LRRC4C: variants seen among roughly 807,000 people sequenced by gnomAD.
LRRC4C encodes leucine-rich repeat-containing protein 4C.
In LRRC4C, 5 loss-of-function variants were observed where a neutral mutation model predicts 33.6. That is an observed-to-expected ratio of 0.15 (90% CI 0.08 to 0.31). The LOEUF (loss-of-function observed/expected upper bound fraction) is 0.31. LRRC4C is among the 10% of genes least tolerant of loss of function. The pLI is 1.00. For synonymous variants in LRRC4C, 329 were observed against 302.0 expected, an observed-to-expected ratio of 1.09 and a Z score of -0.93; for missense variants, 560 against 796.7, an observed-to-expected ratio of 0.70 and a Z score of 3.58.
At chr11:41,115,922 T>C (rs1216009596) in intron 1 of LRRC4C, among the ~76,000 whole-genome samples, 1 of 152,128 alleles carries the variant, frequency 6.6e-6, no homozygotes, top group Non-Finnish European at 1.5e-5. Context: ...AAGTTTGGTC[T>C]GACCCCTTTT....
intron 3 of LRRC4C, among the ~76,000 whole-genome samples, chr11:40,633,337 C>CTTTG (rs1176903888): frequency 7.7e-5 from 2 of 26,056 alleles, no homozygotes; most frequent in Non-Finnish European, 1.5e-4. Context: ...TTCTTTCTTT[C>CTTTG]TTTCTTTCTT....
At chr11:40,126,257 T>A (rs1856215455) in intron 6 of LRRC4C, among the ~76,000 whole-genome samples, 1 of 152,036 alleles carries the variant, frequency 6.6e-6, no homozygotes, top group South Asian at 2.1e-4. Context: ...ATTCTTAGGG[T>A]TTATGTTTCT....
At position 41,228,530 on chromosome 11, in the gene LRRC4C, C is replaced by T. The variant is rs963542791; in HGVS notation, c.-496+230901G>A. 9.9e-5 allele frequency among the ~76,000 whole-genome samples: 15 copies of T among 152,182 alleles called. No homozygotes were observed. In the East Asian group the frequency reaches 2.9e-3, roughly 29 times the overall value. Reference sequence around the variant, plus strand: ...GCAATAGATATCTCATCCTTAATTGCTTTCAATATGTTTTCTGTTTGTGTG... The same window carrying T: ...GCAATAGATATCTCATCCTTAATTGTTTTCAATATGTTTTCTGTTTGTGTG... On this transcript the variant is annotated intron_variant, in intron 1 of 6. Coordinates refer to ENST00000528697, the MANE Select transcript of LRRC4C (RefSeq NM_001258419.2).
At chr11:40,989,131 T>A (rs1167311654) in intron 1 of LRRC4C, among the ~76,000 whole-genome samples, 1 of 152,224 alleles carries the variant, frequency 6.6e-6, no homozygotes, top group Non-Finnish European at 1.5e-5. Flanking sequence ...TGATCATTTG[T>A]TTAAAGCCAG....
chr11:40,825,943 G>GT (rs1952145951), intron 2 of LRRC4C, among the ~76,000 whole-genome samples: 1 of 59,776 alleles, frequency 1.7e-5, no homozygotes, highest in South Asian at 7.9e-4. Flanking sequence ...TGTATTCTGG[G>GT]GGGGGGGCGT....
At chr11:40,592,957 G>A (rs562311428) in intron 3 of LRRC4C, among the ~76,000 whole-genome samples, 79 of 152,298 alleles carry the variant, frequency 5.2e-4, no homozygotes, top group Admixed American at 2.7e-3. Flanking sequence ...TCTCAAGAGT[G>A]TCCTTGAACT....
At chr11:40,726,712 A>G (rs1338454070) in intron 2 of LRRC4C, among the ~76,000 whole-genome samples, 6 of 152,108 alleles carry the variant, frequency 3.9e-5, no homozygotes, top group African/African-American at 1.2e-4. Context: ...AAAGATGCCC[A>G]CCCTCCATGC....
chr11:40,719,068 G>T (rs749181535), intron 2 of LRRC4C, among the ~76,000 whole-genome samples: 21 of 152,086 alleles, frequency 1.4e-4, no homozygotes, highest in Admixed American at 7.9e-4. Flanking sequence ...GCCAACAAAA[G>T]AAATCATGAA....
intron 1 of LRRC4C, among the ~76,000 whole-genome samples, chr11:41,346,319 C>T (rs1488639990): frequency 1.3e-5 from 2 of 152,052 alleles, no homozygotes; most frequent in Non-Finnish European, 2.9e-5. Context: ...AATCAGACAC[C>T]CTGTGAAGAC....
At chr11:40,189,062 T>A (rs1014552488) in intron 5 of LRRC4C, among the ~76,000 whole-genome samples, 16 of 152,220 alleles carry the variant, frequency 1.1e-4, no homozygotes, top group African/African-American at 3.9e-4. Context: ...GCCTTTTGGA[T>A]CTGGGCCAGG....
chr11:40,976,748 G>A lies in LRRC4C; in HGVS notation c.-495-43025C>T, dbSNP rs114696062. Among the ~76,000 whole-genome samples, 1,147 of 152,086 alleles carry A rather than the reference G, an allele frequency of 7.5e-3. 13 individuals carry two copies. The highest frequency in any genetic ancestry group is 0.027 in the African/African-American group (1,101 of 41,480). ...ATTCCAAAAGAAAAAAACAATGATT[G>A]AATGACTGTAAGAGAAGTCATTCCT... On this transcript the variant is annotated intron_variant, in intron 1 of 6. Coordinates refer to ENST00000528697, the MANE Select transcript of LRRC4C (RefSeq NM_001258419.2).
chr11:40,584,658 G>A (rs975550600), intron 3 of LRRC4C, among the ~76,000 whole-genome samples: 2 of 152,082 alleles, frequency 1.3e-5, no homozygotes, highest in Non-Finnish European at 2.9e-5. Context: ...GAGGCCTGGC[G>A]CAGTGGCTCA....
At chr11:40,789,637 A>G (rs1443950698) in intron 2 of LRRC4C, among the ~76,000 whole-genome samples, 2 of 152,176 alleles carry the variant, frequency 1.3e-5, no homozygotes, top group Non-Finnish European at 2.9e-5. Context: ...ACTCAGACAA[A>G]CCTCATTTCT....
intron 5 of LRRC4C, among the ~76,000 whole-genome samples, chr11:40,173,120 A>C (rs1860185613): frequency 6.6e-6 from 1 of 151,986 alleles, no homozygotes; most frequent in Non-Finnish European, 1.5e-5. Context: ...GAGTGGTCAG[A>C]GAGTACACGG....
intron 3 of LRRC4C, among the ~76,000 whole-genome samples, chr11:40,536,595 A>G (rs1591035852): frequency 6.6e-6 from 1 of 151,630 alleles, no homozygotes; most frequent in African/African-American, 2.4e-5. Flanking sequence ...TTCCTTATTC[A>G]CTCAACTGGC....
intron 3 of LRRC4C, among the ~76,000 whole-genome samples, chr11:40,358,743 C>T (rs188806039): frequency 1.1e-3 from 169 of 152,222 alleles, no homozygotes; most frequent in Middle Eastern, 6.8e-3. Context: ...TTTTCTGATT[C>T]CACATGCAAA....
chr11:40,306,224 T>A (rs1490502557), intron 4 of LRRC4C, among the ~76,000 whole-genome samples: 1 of 152,224 alleles, frequency 6.6e-6, no homozygotes, highest in Non-Finnish European at 1.5e-5. Flanking sequence ...AAAGATTTAG[T>A]TATTGTATCT....
chr11:40,255,117 T>G (rs1458637894), intron 4 of LRRC4C, among the ~76,000 whole-genome samples: 1 of 152,156 alleles, frequency 6.6e-6, no homozygotes, highest in African/African-American at 2.4e-5. Flanking sequence ...ATGAGTAAAT[T>G]TTCTGATAAA....
chr11:41,121,351 G>A (rs994750225), intron 1 of LRRC4C, among the ~76,000 whole-genome samples: 1 of 152,118 alleles, frequency 6.6e-6, no homozygotes, highest in African/African-American at 2.4e-5. Flanking sequence ...GGGTAGGCTT[G>A]ATAAGCAATA....
Sources: allele counts gnomAD v4.1 joint callset (sites outside exome capture counted in the v4.1 genomes callset), GRCh38; gene constraint gnomAD v4.1.1; transcripts MANE v1.5; gene names NCBI Gene and HGNC (gene_info 2026-07-23, HGNC 2026-07-21).